ARFGEF3: variants seen among roughly 807,000 people sequenced by gnomAD.
ARFGEF3 encodes the protein brefeldin A-inhibited guanine nucleotide-exchange protein 3.
ARFGEF3 carries 96 observed loss-of-function variants against 221.7 expected under a neutral mutation model. That is an observed-to-expected ratio of 0.43 (90% CI 0.37 to 0.51). ARFGEF3 has a LOEUF of 0.51. Among genes scored for constraint, ARFGEF3 ranks in the 20% least tolerant of loss-of-function variants. The pLI is 0.00. For missense variants in ARFGEF3, 2,410 were observed against 2,789.9 expected, an observed-to-expected ratio of 0.86 and a Z score of 3.07; for synonymous variants, 1,145 against 1,126.8, an observed-to-expected ratio of 1.02 and a Z score of -0.32.
At chr6:138,306,707 T>C (rs925279955) in intron 22 of ARFGEF3, among the ~76,000 whole-genome samples, 2 of 152,142 alleles carry the variant, frequency 1.3e-5, no homozygotes, top group Non-Finnish European at 2.9e-5. Flanking sequence ...GGGGATATTT[T>C]CAGCAAATTG....
At chr6:138,292,650 C>A (rs1779433585) in intron 19 of ARFGEF3, among the ~76,000 whole-genome samples, 1 of 152,048 alleles carries the variant, frequency 6.6e-6, no homozygotes, top group South Asian at 2.1e-4. Flanking sequence ...GTCACTGTGT[C>A]CCAGACCCCC....
At chr6:138,248,232 C>T (rs533915342) in intron 8 of ARFGEF3, among the ~76,000 whole-genome samples, 5 of 152,210 alleles carry the variant, frequency 3.3e-5, no homozygotes, top group South Asian at 2.1e-4. Flanking sequence ...CAGGCATGGC[C>T]GCTGATTGGC....
intron 19 of ARFGEF3, among the ~76,000 whole-genome samples, chr6:138,293,256 A>G (rs1456819062): frequency 6.6e-6 from 1 of 152,172 alleles, no homozygotes; most frequent in Non-Finnish European, 1.5e-5. Context: ...CACCTGGCAC[A>G]TTGCTCGTTG....
intron 18 of ARFGEF3, 70 bp downstream of exon 18, chr6:138,290,038 G>A: frequency 6.8e-7 from 1 of 1,472,810 alleles, no homozygotes; most frequent in South Asian, 1.3e-5. Context: ...GGCTGTGGCA[G>A]GTGGAGAGGG....
chr6:138,189,566 G>A (rs139786428), intron 2 of ARFGEF3, among the ~76,000 whole-genome samples: 182 of 152,274 alleles, frequency 1.2e-3, no homozygotes, highest in African/African-American at 4.0e-3. Flanking sequence ...TTTGAAGCTT[G>A]CGATTTTCAC....
chr6:138,311,358 G>A (rs1473363796), intron 24 of ARFGEF3, 49 bp from the exon 25 acceptor site: 1 of 1,183,400 alleles, frequency 8.5e-7, no homozygotes, highest in South Asian at 1.3e-5. Context: ...GTTACAGGGG[G>A]GCACGCAAGG....
chr6:138,169,130 A>G (rs1396929379), intron 1 of ARFGEF3, among the ~76,000 whole-genome samples: 1 of 152,196 alleles, frequency 6.6e-6, no homozygotes, highest in African/African-American at 2.4e-5. Context: ...ACCTGCCCCC[A>G]TCCCACAGTG....
chr6:138,246,696 G>A (rs753919735), intron 8 of ARFGEF3, among the ~76,000 whole-genome samples: 51 of 152,164 alleles, frequency 3.4e-4, no homozygotes, highest in Non-Finnish European at 6.0e-4. Context: ...GTTGGGGTAG[G>A]GGAGAGGAAA....
At chr6:138,247,535 G>T (rs1464973876) in intron 8 of ARFGEF3, among the ~76,000 whole-genome samples, 1 of 152,136 alleles carries the variant, frequency 6.6e-6, no homozygotes, top group Non-Finnish European at 1.5e-5. Flanking sequence ...GTATAGCAGA[G>T]TTGGAATATG....
intron 2 of ARFGEF3, among the ~76,000 whole-genome samples, chr6:138,176,165 T>C (rs1776941590): frequency 6.7e-6 from 1 of 148,906 alleles, no homozygotes; most frequent in Admixed American, 6.9e-5. Flanking sequence ...ATAAGCAGCG[T>C]ATAGTTGGTA....
chr6:138,189,807 T>C (rs1777260638), intron 2 of ARFGEF3, among the ~76,000 whole-genome samples: 1 of 152,166 alleles, frequency 6.6e-6, no homozygotes. Context: ...TGGTCAGGAA[T>C]GGTGACTCAT....
intron 4 of ARFGEF3, chr6:138,216,984 A>G (rs1470512552): frequency 6.6e-6 from 1 of 152,202 alleles, no homozygotes; most frequent in African/African-American, 2.4e-5. Context: ...TATAATTCTT[A>G]CTGAGTTTTC....
intron 2 of ARFGEF3, among the ~76,000 whole-genome samples, chr6:138,201,757 C>G (rs1336986832): frequency 6.6e-6 from 1 of 152,170 alleles, no homozygotes; most frequent in Non-Finnish European, 1.5e-5. Flanking sequence ...CAGGATCTCA[C>G]AAATCACCGC....
chr6:138,186,623 G>A lies in ARFGEF3; in HGVS notation c.137+15910G>A, dbSNP rs1777189195. Among the ~76,000 whole-genome samples, 3 of 152,198 alleles carry A rather than the reference G, an allele frequency of 2.0e-5. No homozygotes were observed. In the South Asian group the frequency reaches 6.2e-4, roughly 31 times the overall value. ...TGATCTACTACTTGGAGCTGACCAT[G>A]CTGTTGGGCAAAATAAAGTTAGACT... is the stretch of plus-strand genomic sequence containing the variant. On this transcript the variant is annotated intron_variant, in intron 2 of 33. Coordinates refer to ENST00000251691, the MANE Select transcript of ARFGEF3 (RefSeq NM_020340.5).
At chr6:138,296,762 A>G (rs1383130295) in intron 20 of ARFGEF3, 48 bp from the exon 21 acceptor site, 6 of 1,592,926 alleles carry the variant, frequency 3.8e-6, no homozygotes, top group Admixed American at 3.4e-5. Context: ...AGGTCAGACT[A>G]TGTCTGAGTT....
chr6:138,268,970 G>T lies in ARFGEF3; in HGVS notation c.2128+5359G>T, dbSNP rs1583041207. 1.3e-5 allele frequency among the ~76,000 whole-genome samples: 2 copies of T among 152,196 alleles called. 1 individual carries two copies. Among genetic ancestry groups the T allele is most frequent in the Non-Finnish European group, 2.9e-5 (2 of 68,030 alleles). ...GCCTGCCTAGCAGGGAGAACACTTG[G>T]TCTCTGCCCTCCCTTTATTTCTCAT... On this transcript the variant is annotated intron_variant, in intron 12 of 33. Coordinates refer to ENST00000251691, the MANE Select transcript of ARFGEF3 (RefSeq NM_020340.5).
Position 138,336,482 on chromosome 6 carries a change from T to C in ARFGEF3, c.6530T>C (p.Val2177Ala), listed in dbSNP as rs1780327552. 6.2e-7 allele frequency: 1 copy of C among 1,603,804 alleles called. No homozygotes were observed. Among genetic ancestry groups the C allele is most frequent in the South Asian group, 1.1e-5 (1 of 88,932 alleles). The part of the protein sequence containing the change: ...GRVGRVYDII[V>A] ...GTGGGCCGTGTCTATGACATCATTG[T>C]GTAGCCGACTCCTGTTCTACTCTCC... is the stretch of plus-strand genomic sequence containing the variant. Residue 2177 changes from valine to alanine, a missense_variant, in exon 34 of 34, where the codon GTG becomes GCG. Around this residue, in one of 5 missense-constraint regions of ARFGEF3, gnomAD observed 339 missense variants for 334.9 expected, o/e 1.01. Coordinates refer to ENST00000251691, the MANE Select transcript of ARFGEF3 (RefSeq NM_020340.5).
At chr6:138,210,315 T>G (rs1280570285) in intron 4 of ARFGEF3, among the ~76,000 whole-genome samples, 1 of 152,190 alleles carries the variant, frequency 6.6e-6, no homozygotes, top group African/African-American at 2.4e-5. Flanking sequence ...AGAATGTATG[T>G]GAGTAGTTCC....
intron 14 of ARFGEF3, among the ~76,000 whole-genome samples, chr6:138,281,321 T>G (rs1390026506): frequency 6.6e-6 from 1 of 152,208 alleles, no homozygotes; most frequent in African/African-American, 2.4e-5. Context: ...CTATATATAA[T>G]TTCAACTATT....
Sources: allele counts gnomAD v4.1 joint callset (sites outside exome capture counted in the v4.1 genomes callset), GRCh38; gene constraint gnomAD v4.1.1; regional missense constraint gnomAD v4.1.1; transcripts MANE v1.5; gene names NCBI Gene and HGNC (gene_info 2026-07-23, HGNC 2026-07-21).